The following SMURF1 variants were observed in gnomAD, a reference collection of about 807,000 sequenced individuals.
SMURF1 encodes E3 ubiquitin-protein ligase SMURF1.
Under a neutral mutation model 98.0 loss-of-function variants are expected in SMURF1, and 44 were observed. That is an observed-to-expected ratio of 0.45 (90% CI 0.35 to 0.58). The LOEUF (loss-of-function observed/expected upper bound fraction) is 0.58. Ranked by LOEUF, SMURF1 falls within the 20% of genes least tolerant of loss-of-function variation. The pLI is 0.00. For synonymous variants in SMURF1, 396 were observed against 374.9 expected (o/e 1.06, Z -0.65); for missense variants, 687 against 938.4 (o/e 0.73, Z 3.50).
Position 99,063,246 on chromosome 7 carries a change from TATATA to T in SMURF1, c.56-1414_56-1410del, listed in dbSNP as rs1796088159. Among the ~76,000 whole-genome samples, 17 of 2,856 alleles carry T rather than the reference TATATA, an allele frequency of 6.0e-3. 1 individual carries two copies. The highest frequency in any genetic ancestry group is 0.01 in the African/African-American group (17 of 1,648). 1.9% of individuals were successfully genotyped at this position (2,856 alleles called of 152,430 possible). A position where few individuals can be genotyped will look rare whatever the true frequency, so the allele number is the denominator to read the frequency against. ...TATATATATATAAGATTTATTTATATATATATATATATATATATATATATATATAT... is the reference window on the plus strand; with the variant it reads ...TATATATATATAAGATTTATTTATATTATATATATATATATATATATATAT... On this transcript the variant is annotated intron_variant, in intron 1 of 17. Coordinates refer to ENST00000361368, the MANE Select transcript of SMURF1 (RefSeq NM_181349.3).
intron 1 of SMURF1, among the ~76,000 whole-genome samples, chr7:99,109,424 A>AG (rs1797272420): frequency 6.6e-6 from 1 of 152,054 alleles, no homozygotes; most frequent in South Asian, 2.1e-4. Context: ...AACCCTCCCT[A>AG]GGGGTTCAAA....
At chr7:99,078,464 T>C (rs1563019320) in intron 1 of SMURF1, among the ~76,000 whole-genome samples, 1 of 152,212 alleles carries the variant, frequency 6.6e-6, no homozygotes, top group Non-Finnish European at 1.5e-5. Context: ...TACACAGCTC[T>C]ACTCACAAAA....
At chr7:99,101,031 T>C (rs1584179880) in intron 1 of SMURF1, among the ~76,000 whole-genome samples, 1 of 152,244 alleles carries the variant, frequency 6.6e-6, no homozygotes, top group Admixed American at 6.5e-5. Flanking sequence ...CGATAAGTTT[T>C]CCAGCCATCT....
At chr7:99,048,063 T>A in intron 9 of SMURF1, 181 bp from the exon 10 acceptor site, 1 of 616,748 alleles carries the variant, frequency 1.6e-6, no homozygotes, top group Non-Finnish European at 2.9e-6. Context: ...ATGGCCACAT[T>A]AGCCTAAATG....
chr7:99,103,110 AT>A (rs1204352075), intron 1 of SMURF1, among the ~76,000 whole-genome samples: 1 of 151,818 alleles, frequency 6.6e-6, no homozygotes, highest in Non-Finnish European at 1.5e-5. Flanking sequence ...GTTACAATCA[AT>A]TTTTTTTCTT....
Position 99,052,354 on chromosome 7 carries a change from CCAG to C in SMURF1, c.569_571del (p.Ala190del), listed in dbSNP as rs754141495. ...CTCCACGAACCTGCAATTCCCTCCT[CCAG>C]CAGCAGCACCGGTGCTATCTGTGTA... is the stretch of plus-strand genomic sequence containing the variant. On this transcript the variant is annotated inframe_deletion, in exon 7 of 18. Transcript: ENST00000361368. The C allele has an allele frequency of 6.2e-7, 1 of 1,612,426 alleles. No individual in the cohort carries two copies. Among genetic ancestry groups the C allele is most frequent in the African/African-American group, 1.3e-5 (1 of 74,920 alleles).
Position 99,057,094 on chromosome 7 carries a change from T to C in SMURF1, c.403+111A>G, listed in dbSNP as rs2150533846. On this transcript the variant is annotated intron_variant, in intron 5 of 17. Transcript: ENST00000361368. ...AAGAGAAGGCCCCGTACGTGGTCTG[T>C]CCTCTGAGGCCCGTCAGCATCGTCA... is the stretch of plus-strand genomic sequence containing the variant. 4.5e-6 allele frequency: 5 copies of C among 1,113,708 alleles called. No individual in the cohort carries two copies. In the South Asian group the frequency reaches 6.4e-5, roughly 14 times the overall value. 69.0% of individuals were successfully genotyped at this position (1,113,708 alleles called of 1,614,324 possible).
At chr7:99,080,042 G>GA (rs1248651518) in intron 1 of SMURF1, among the ~76,000 whole-genome samples, 1 of 146,024 alleles carries the variant, frequency 6.8e-6, no homozygotes, top group Non-Finnish European at 1.5e-5. Context: ...TCAAGAAAAA[G>GA]AAAAAAGGCA....
intron 1 of SMURF1, among the ~76,000 whole-genome samples, chr7:99,139,432 C>G (rs577548847): frequency 6.6e-6 from 1 of 152,216 alleles, no homozygotes; most frequent in East Asian, 1.9e-4. Flanking sequence ...TGCATAAAAG[C>G]ACAAAAAAGT....
chr7:99,079,773 C>G (rs1185480165), intron 1 of SMURF1, among the ~76,000 whole-genome samples: 1 of 152,092 alleles, frequency 6.6e-6, no homozygotes, highest in Non-Finnish European at 1.5e-5. Flanking sequence ...AAATGAGAAA[C>G]TGTTTCAATC....
At chr7:99,056,638 A>G (rs948311715) in intron 5 of SMURF1, among the ~76,000 whole-genome samples, 1 of 152,216 alleles carries the variant, frequency 6.6e-6, no homozygotes, top group East Asian at 1.9e-4. Flanking sequence ...AAATGTGATG[A>G]TTAAAATTAC....
At chr7:99,039,462 C>T (rs1795290038) in intron 13 of SMURF1, among the ~76,000 whole-genome samples, 1 of 152,030 alleles carries the variant, frequency 6.6e-6, no homozygotes. Context: ...TTTCCTGCCT[C>T]AGCCTCCTGA....
chr7:99,136,462 T>A (rs1159962401), intron 1 of SMURF1, among the ~76,000 whole-genome samples: 1 of 152,186 alleles, frequency 6.6e-6, no homozygotes, highest in African/African-American at 2.4e-5. Flanking sequence ...CAGCTAAAGT[T>A]TTTTATTGTT....
intron 2 of SMURF1, 28 bp from the exon 3 acceptor site, chr7:99,060,735 G>A (rs746666647): frequency 3.4e-6 from 5 of 1,473,862 alleles, no homozygotes; most frequent in Non-Finnish European, 4.7e-6. Context: ...CCCACACCTA[G>A]ATGAGACCTC....
At chr7:99,035,739 A>G in intron 15 of SMURF1, 23 bp from the exon 16 acceptor site, 1 of 1,610,236 alleles carries the variant, frequency 6.2e-7, no homozygotes, top group Non-Finnish European at 8.5e-7. Flanking sequence ...AGAAAGGTGA[A>G]TTACTTCCAA....
intron 1 of SMURF1, among the ~76,000 whole-genome samples, chr7:99,102,248 TTTG>T (rs774172898): frequency 4.6e-5 from 7 of 152,218 alleles, no homozygotes; most frequent in Admixed American, 2.0e-4. Context: ...ATTTCAATAT[TTTG>T]TTGTTCTTTG....
At chr7:99,043,262 G>A (rs1456261849) in intron 11 of SMURF1, among the ~76,000 whole-genome samples, 1 of 152,206 alleles carries the variant, frequency 6.6e-6, no homozygotes, top group East Asian at 1.9e-4. Flanking sequence ...AAGGACTTCA[G>A]GACTAAATAC....
At chr7:99,106,315 C>T (rs62472982) in intron 1 of SMURF1, among the ~76,000 whole-genome samples, 4,354 of 152,272 alleles carry the variant, frequency 0.029, 80 homozygotes, top group Non-Finnish European at 0.043. Context: ...GAGAAAAATT[C>T]ACCCTATCAT....
chr7:99,041,014 CGAAAGGAAGAGAGGGAAA>C (rs951312912), intron 12 of SMURF1, among the ~76,000 whole-genome samples: 19 of 151,724 alleles, frequency 1.3e-4, no homozygotes, highest in Non-Finnish European at 1.6e-4. Context: ...CGATCCAGAA[CGAAAGGAAGAGAGGGAAA>C]GAGAGGGAGG....
Sources: gnomAD v4.1 joint callset for allele counts (sites outside exome capture counted in the v4.1 genomes callset) on GRCh38, gnomAD v4.1.1 for gene constraint, MANE v1.5 for transcripts, NCBI Gene and HGNC (gene_info 2026-07-23, HGNC 2026-07-21) for gene names.